PDS5A: variants seen among roughly 807,000 people sequenced by gnomAD.
PDS5A encodes the protein sister chromatid cohesion protein PDS5 homolog A.
PDS5A carries 42 observed loss-of-function variants against 167.1 expected under a neutral mutation model. The ratio of observed to expected loss-of-function variants is 0.25; its 90% confidence interval spans 0.20 to 0.33. The LOEUF (loss-of-function observed/expected upper bound fraction) is 0.33, where lower values mean the gene tolerates loss of function less well. PDS5A is among the 10% of genes least tolerant of loss of function. The probability of loss-of-function intolerance (pLI) is 1.00; values close to 1 mark genes in which losing one functional copy is unlikely to be tolerated. For synonymous variants in PDS5A, 553 were observed against 554.6 expected (o/e 1.00, Z 0.04); for missense variants, 1,033 against 1,605.9 (o/e 0.64, Z 6.10).
intron 11 of PDS5A, among the ~76,000 whole-genome samples, chr4:39,905,040 T>G (rs1461418666): frequency 6.6e-6 from 1 of 151,680 alleles, no homozygotes; most frequent in Admixed American, 6.6e-5. Flanking sequence ...GGCTCATGCC[T>G]GTAATCCCAG....
chr4:39,952,824 G>A (rs1728542980), intron 2 of PDS5A, among the ~76,000 whole-genome samples: 1 of 151,672 alleles, frequency 6.6e-6, no homozygotes, highest in South Asian at 2.1e-4. Context: ...TGCCTCCCGG[G>A]TTCAAATGAC....
intron 9 of PDS5A, among the ~76,000 whole-genome samples, chr4:39,912,034 T>C (rs1723940456): frequency 6.6e-6 from 1 of 152,188 alleles, no homozygotes; most frequent in African/African-American, 2.4e-5. Context: ...AACGTCTTAA[T>C]GTCTATGGCC....
intron 26 of PDS5A, among the ~76,000 whole-genome samples, chr4:39,855,742 GAA>G (rs369247609): frequency 6.6e-6 from 1 of 152,014 alleles, no homozygotes; most frequent in Non-Finnish European, 1.5e-5. Flanking sequence ...ACAGCAGGCA[GAA>G]AAAAGATTCA....
At chr4:39,969,234 G>A (rs1388088202) in intron 2 of PDS5A, among the ~76,000 whole-genome samples, 1 of 152,156 alleles carries the variant, frequency 6.6e-6, no homozygotes, top group Non-Finnish European at 1.5e-5. Context: ...GGTGACTAGC[G>A]TTGTTCACAA....
rs758421587 is a variant in PDS5A at position 39,848,958 on chromosome 4, C to T, written c.3232G>A (p.Val1078Ile). ...ESKTNEKLYT[V>I]CDVALCVINS... ...ATAACACAGAGAGCCACATCACATA[C>T]TGTATACAGTTTCTAGGGAGGAAAA... The change falls in exon 28 of 33, where the codon GTA (valine) becomes ATA (isoleucine). Residue 1078 changes from valine (V) to isoleucine (I), a missense_variant. Transcript: ENST00000303538. The T allele has an allele frequency of 7.8e-5, 125 of 1,596,570 alleles. No individual in the cohort carries two copies. The highest frequency in any genetic ancestry group is 9.8e-5 in the Non-Finnish European group (115 of 1,168,626).
At chr4:39,926,733 G>A (rs1384509045) in intron 4 of PDS5A, 42 bp downstream of exon 4, 4 of 1,218,114 alleles carry the variant, frequency 3.3e-6, no homozygotes, top group Non-Finnish European at 4.4e-6. Context: ...TTGCTATCAT[G>A]TGAAATAATG....
At chr4:39,862,661 G>C (rs914770426) in intron 25 of PDS5A, among the ~76,000 whole-genome samples, 10 of 152,064 alleles carry the variant, frequency 6.6e-5, no homozygotes, top group Admixed American at 3.9e-4. Flanking sequence ...TGATCCCATA[G>C]GAAAAATGCA....
At chr4:39,834,612 CTG>C (rs1214348545) in intron 32 of PDS5A, among the ~76,000 whole-genome samples, 2 of 152,174 alleles carry the variant, frequency 1.3e-5, no homozygotes, top group Admixed American at 6.6e-5. Flanking sequence ...GAAAAAAAGA[CTG>C]TTTGAAATGG....
intron 2 of PDS5A, chr4:39,974,331 C>T (rs774524206): frequency 2.0e-6 from 1 of 492,834 alleles, no homozygotes; most frequent in Non-Finnish European, 4.0e-6. Context: ...CGGTTGCTAA[C>T]ACATCAACTT....
rs188127159 is a variant in PDS5A at position 39,863,766 on chromosome 4, G to C, written c.2643-307C>G. On this transcript the variant is annotated intron_variant, in intron 23 of 32. Coordinates refer to ENST00000303538, the MANE Select transcript of PDS5A (RefSeq NM_001100399.2). ...TTCTTGCAACCATAGTAATTGCAAG[G>C]CTAGGAAAAACTCTTTACATCAGGA... 2.0e-5 allele frequency among the ~76,000 whole-genome samples: 3 copies of C among 152,242 alleles called. No individual in the cohort carries two copies. The East Asian group carries it at 5.8e-4, about 29-fold the overall frequency.
At chr4:39,839,193 G>A (rs1232750722) in intron 31 of PDS5A, among the ~76,000 whole-genome samples, 2 of 152,042 alleles carry the variant, frequency 1.3e-5, no homozygotes, top group East Asian at 3.9e-4. Context: ...TTGATAATAA[G>A]AGGTAACTTG....
chr4:39,904,730 C>T (rs1048277954), intron 11 of PDS5A, among the ~76,000 whole-genome samples: 13 of 152,142 alleles, frequency 8.5e-5, no homozygotes, highest in African/African-American at 3.1e-4. Context: ...GGTTTCGTTA[C>T]GTTGCCTAGG....
intron 11 of PDS5A, among the ~76,000 whole-genome samples, chr4:39,907,688 G>A (rs1472130574): frequency 2.0e-5 from 3 of 151,472 alleles, no homozygotes; most frequent in African/African-American, 7.3e-5. Flanking sequence ...CCGGGTTCAC[G>A]CCATTCTCCT....
intron 29 of PDS5A, among the ~76,000 whole-genome samples, chr4:39,845,208 GA>G (rs61433015): frequency 0.03 from 4,559 of 150,120 alleles, 218 homozygotes; most frequent in African/African-American, 0.1. Context: ...ACTGTCTCAA[GA>G]AAAAAAAAGA....
chr4:39,936,760 G>T (rs1043753377), intron 2 of PDS5A: 3 of 152,126 alleles, frequency 2.0e-5, no homozygotes, highest in Non-Finnish European at 4.4e-5. Flanking sequence ...TACTGTCACA[G>T]TTTTATTATA....
chr4:39,922,071 A>AG (rs1445632434), intron 6 of PDS5A, among the ~76,000 whole-genome samples: 2 of 152,178 alleles, frequency 1.3e-5, no homozygotes, highest in Non-Finnish European at 2.9e-5. Flanking sequence ...CCAGTGGTGG[A>AG]GCCTGAGGGC....
intron 26 of PDS5A, among the ~76,000 whole-genome samples, chr4:39,857,515 AAACT>A (rs1332261695): frequency 1.3e-5 from 2 of 152,176 alleles, no homozygotes; most frequent in Non-Finnish European, 2.9e-5. Context: ...CTATTTTGCA[AAACT>A]AACTCCTTCC....
chr4:39,846,071 C>G (rs1489437194), intron 28 of PDS5A, 191 bp from the exon 29 acceptor site: 1 of 432,966 alleles, frequency 2.3e-6, no homozygotes, highest in Non-Finnish European at 3.6e-6. Flanking sequence ...TTAAATTAAA[C>G]TGATGGCACG....
At position 39,902,778 on chromosome 4, in the gene PDS5A, G is replaced by A. The variant is rs549744528; in HGVS notation, c.1386-318C>T. Reference sequence around the variant, plus strand: ...GCTCAGGCAATCCGCCTGCCTTAGCGTCCTGAAGTGCTGGGATTACGACGG... The same window carrying A: ...GCTCAGGCAATCCGCCTGCCTTAGCATCCTGAAGTGCTGGGATTACGACGG... On this transcript the variant is annotated intron_variant, in intron 12 of 32. Transcript: ENST00000303538. 1.5e-4 allele frequency among the ~76,000 whole-genome samples: 23 copies of A among 152,146 alleles called. No individual in the cohort carries two copies. In the Middle Eastern group the frequency reaches 0.01, roughly 68 times the overall value.
Sources: allele counts gnomAD v4.1 joint callset (sites outside exome capture counted in the v4.1 genomes callset), GRCh38; gene constraint gnomAD v4.1.1; transcripts MANE v1.5; gene names NCBI Gene and HGNC (gene_info 2026-07-23, HGNC 2026-07-21).